TENM3: variants seen among roughly 807,000 people sequenced by gnomAD.
TENM3 encodes the protein teneurin-3.
Under a neutral mutation model 255.1 loss-of-function variants are expected in TENM3, and 63 were observed. The observed-to-expected ratio is 0.25, with a 90% CI of 0.20 to 0.30. The LOEUF (loss-of-function observed/expected upper bound fraction) is 0.30. Among genes scored for constraint, TENM3 ranks in the 10% least tolerant of loss-of-function variants. The probability of loss-of-function intolerance (pLI) is 1.00; values close to 1 mark genes in which losing one functional copy is unlikely to be tolerated. For missense variants in TENM3, 2,929 were observed against 3,461.1 expected (o/e 0.85, Z 3.86); for synonymous variants, 1,306 against 1,322.3 (o/e 0.99, Z 0.27).
chr4:182,638,139 A>T (rs1221895040), intron 5 of TENM3, among the ~76,000 whole-genome samples: 2 of 152,084 alleles, frequency 1.3e-5, no homozygotes, highest in Non-Finnish European at 2.9e-5. Context: ...TGGGGTAACT[A>T]GATCTATAAT....
the TENM3 span, among the ~76,000 whole-genome samples, chr4:181,685,106 T>C: frequency 6.6e-6 from 1 of 151,980 alleles, no homozygotes; most frequent in Admixed American, 6.6e-5. Flanking sequence ...TGTTTTAACA[T>C]CTAAAAAGAT....
At chr4:182,386,933 C>T (rs974054247) in intron 3 of TENM3, among the ~76,000 whole-genome samples, 3 of 152,230 alleles carry the variant, frequency 2.0e-5, no homozygotes, top group Non-Finnish European at 2.9e-5. Context: ...CTGAGGAGTG[C>T]GAGCACATGG....
intron 3 of TENM3, among the ~76,000 whole-genome samples, chr4:182,409,514 C>T (rs1172671357): frequency 6.6e-6 from 1 of 152,154 alleles, no homozygotes; most frequent in Non-Finnish European, 1.5e-5. Context: ...CTAGATATTC[C>T]ACAACACAAA....
At chr4:181,476,867 G>A in the TENM3 span, among the ~76,000 whole-genome samples, 1 of 152,086 alleles carries the variant, frequency 6.6e-6, no homozygotes, top group African/African-American at 2.4e-5. Context: ...GTCTCTGGAT[G>A]GGATTTGGCA....
At chr4:182,592,646 C>T (rs913234896) in intron 3 of TENM3, among the ~76,000 whole-genome samples, 1 of 152,082 alleles carries the variant, frequency 6.6e-6, no homozygotes, top group African/African-American at 2.4e-5. Context: ...AATCACTTGA[C>T]GGAGGTTGCA....
At chr4:182,075,710 A>G in the TENM3 span, among the ~76,000 whole-genome samples, 6 of 152,048 alleles carry the variant, frequency 3.9e-5, no homozygotes, top group Non-Finnish European at 7.4e-5. Flanking sequence ...AGCCATCAAC[A>G]TCTCCCCATG....
chr4:181,569,122 C>T, the TENM3 span, among the ~76,000 whole-genome samples: 1,583 of 152,256 alleles, frequency 0.01, 9 homozygotes, highest in South Asian at 0.046. Flanking sequence ...CACTTGAGCC[C>T]AGGAGTTCAA....
chr4:181,919,580 T>C, the TENM3 span, among the ~76,000 whole-genome samples: 1 of 152,056 alleles, frequency 6.6e-6, no homozygotes, highest in Non-Finnish European at 1.5e-5. Flanking sequence ...TTGTTGAAAG[T>C]AGGTTGAAAG....
At chr4:181,702,098 T>A in the TENM3 span, among the ~76,000 whole-genome samples, 1 of 152,168 alleles carries the variant, frequency 6.6e-6, no homozygotes, top group Admixed American at 6.5e-5. Context: ...CAGTGCACAC[T>A]ATGGTCTTGT....
chr4:182,346,109 A>AT, intron 2 of TENM3, among the ~76,000 whole-genome samples: 1 of 151,754 alleles, frequency 6.6e-6, no homozygotes, highest in African/African-American at 2.4e-5. Flanking sequence ...ACATACATAC[A>AT]AAATACTACG....
chr4:182,784,830 G>A (rs530548647), intron 24 of TENM3, among the ~76,000 whole-genome samples: 57 of 152,222 alleles, frequency 3.7e-4, no homozygotes, highest in Admixed American at 7.2e-4. Flanking sequence ...GGTGCTGTCC[G>A]TCACCCCTTT....
the TENM3 span, chr4:181,523,039 T>A: frequency 1.6e-6 from 1 of 606,676 alleles, no homozygotes; most frequent in South Asian, 1.4e-5. Flanking sequence ...AGAAGGGAAA[T>A]CGCAAACGGA....
chr4:182,096,140 A>AC, the TENM3 span, among the ~76,000 whole-genome samples: 1 of 151,690 alleles, frequency 6.6e-6, no homozygotes, highest in Non-Finnish European at 1.5e-5. Flanking sequence ...AAAAAAAAAA[A>AC]AAAAGAAGAT....
At chr4:181,653,888 G>A in the TENM3 span, among the ~76,000 whole-genome samples, 3 of 151,514 alleles carry the variant, frequency 2.0e-5, no homozygotes, top group African/African-American at 4.9e-5. Context: ...AACAGACCCC[G>A]GTGTGTGATG....
the TENM3 span, among the ~76,000 whole-genome samples, chr4:181,724,956 G>T: frequency 6.6e-6 from 1 of 152,206 alleles, no homozygotes; most frequent in Admixed American, 6.5e-5. Flanking sequence ...GGTGTTCTCA[G>T]CATTCAATAT....
chr4:181,721,472 C>T, the TENM3 span, among the ~76,000 whole-genome samples: 11 of 136,404 alleles, frequency 8.1e-5, no homozygotes, highest in African/African-American at 1.9e-4. Context: ...TGGTGGCGGG[C>T]GCCTGTAGTC....
chr4:181,913,250 G>C, the TENM3 span, among the ~76,000 whole-genome samples: 2,533 of 152,212 alleles, frequency 0.017, 77 homozygotes, highest in African/African-American at 0.058. Context: ...AATGATTTGA[G>C]ATATAAAATA....
chr4:181,631,145 AG>A, the TENM3 span, among the ~76,000 whole-genome samples: 3 of 152,240 alleles, frequency 2.0e-5, no homozygotes, highest in South Asian at 6.2e-4. Flanking sequence ...TTGTCGTTGT[AG>A]GACCTCAGTC....
the TENM3 span, among the ~76,000 whole-genome samples, chr4:181,630,720 C>G: frequency 1.3e-5 from 2 of 152,106 alleles, no homozygotes; most frequent in African/African-American, 2.4e-5. Flanking sequence ...GTTAAAATTT[C>G]TGTTATTTTA....
Sources: gnomAD v4.1 joint callset for allele counts (sites outside exome capture counted in the v4.1 genomes callset) on GRCh38, gnomAD v4.1.1 for gene constraint, MANE v1.5 for transcripts, NCBI Gene and HGNC (gene_info 2026-07-23, HGNC 2026-07-21) for gene names.